The following AP3B1 variants were observed in gnomAD, a reference collection of about 807,000 sequenced individuals.
AP3B1 encodes AP-3 complex subunit beta-1.
AP3B1 carries 61 observed loss-of-function variants against 132.5 expected under a neutral mutation model. The observed-to-expected ratio is 0.46, with a 90% CI of 0.37 to 0.57. The LOEUF (loss-of-function observed/expected upper bound fraction) is 0.57, where lower values mean the gene tolerates loss of function less well. Ranked by LOEUF, AP3B1 falls within the 20% of genes least tolerant of loss-of-function variation. The pLI, the probability that AP3B1 is intolerant of heterozygous loss-of-function variation, is 0.00. For missense variants in AP3B1, 1,120 were observed against 1,289.4 expected, an observed-to-expected ratio of 0.87 and a Z score of 2.01; for synonymous variants, 388 against 438.3, an observed-to-expected ratio of 0.89 and a Z score of 1.43.
intron 21 of AP3B1, among the ~76,000 whole-genome samples, chr5:78,091,410 G>A (rs1750509754): frequency 6.6e-6 from 1 of 152,110 alleles, no homozygotes; most frequent in South Asian, 2.1e-4. Context: ...GATGGGGAGG[G>A]AGTGGAGCTC....
chr5:78,020,264 G>A (rs1448514557), intron 25 of AP3B1, among the ~76,000 whole-genome samples: 1 of 152,076 alleles, frequency 6.6e-6, no homozygotes, highest in East Asian at 1.9e-4. Context: ...GGATAAGGTA[G>A]TTTAATGTGT....
chr5:78,215,945 T>C (rs563640103), intron 7 of AP3B1, 110 bp downstream of exon 7: 2 of 993,532 alleles, frequency 2.0e-6, no homozygotes, highest in East Asian at 2.4e-5. Flanking sequence ...TGAGTCTTCC[T>C]TAAATATGCA....
intron 26 of AP3B1, among the ~76,000 whole-genome samples, chr5:78,003,904 G>A (rs1455583460): frequency 6.6e-6 from 1 of 152,202 alleles, no homozygotes; most frequent in Admixed American, 6.5e-5. Context: ...GCACAGTTGA[G>A]CCTCAGGGTC....
intron 7 of AP3B1, among the ~76,000 whole-genome samples, chr5:78,187,056 A>G (rs910754227): frequency 8.5e-5 from 13 of 152,324 alleles, no homozygotes; most frequent in Admixed American, 7.8e-4. Context: ...TAGAAATCAT[A>G]ACATTATCAC....
intron 14 of AP3B1, among the ~76,000 whole-genome samples, chr5:78,151,693 T>A (rs576929601): frequency 6.6e-6 from 1 of 152,210 alleles, no homozygotes; most frequent in African/African-American, 2.4e-5. Context: ...CTGGTAACCC[T>A]GGGATAAATC....
intron 2 of AP3B1, among the ~76,000 whole-genome samples, chr5:78,251,007 TA>T (rs1448819322): frequency 6.6e-6 from 1 of 151,858 alleles, no homozygotes; most frequent in Non-Finnish European, 1.5e-5. Context: ...AATACACACA[TA>T]ATAGGAAGGC....
intron 14 of AP3B1, among the ~76,000 whole-genome samples, chr5:78,144,649 A>G (rs1753306921): frequency 6.6e-6 from 1 of 152,084 alleles, no homozygotes; most frequent in African/African-American, 2.4e-5. Context: ...AGGGTGGGTA[A>G]CTTGTGAAAT....
intron 17 of AP3B1, among the ~76,000 whole-genome samples, chr5:78,121,147 A>G (rs1048481882): frequency 1.6e-4 from 24 of 152,322 alleles, no homozygotes; most frequent in African/African-American, 5.5e-4. Context: ...GAAACCAACG[A>G]GAACAAAGAC....
intron 22 of AP3B1, 39 bp from the exon 23 acceptor site, chr5:78,039,313 G>A: frequency 6.8e-7 from 1 of 1,460,740 alleles, no homozygotes. Flanking sequence ...ATGAGTTAGT[G>A]AATATAATTA....
chr5:78,265,505 T>C (rs1748285402), intron 2 of AP3B1, among the ~76,000 whole-genome samples: 2 of 152,182 alleles, frequency 1.3e-5, no homozygotes, highest in African/African-American at 2.4e-5. Flanking sequence ...ACAGAACTTG[T>C]TCTCTTATCA....
chr5:78,171,645 C>T (rs765042762), intron 11 of AP3B1, among the ~76,000 whole-genome samples: 11 of 152,144 alleles, frequency 7.2e-5, no homozygotes, highest in Non-Finnish European at 1.5e-4. Flanking sequence ...TGGGCTGAGA[C>T]GATGGGGTTT....
At chr5:78,005,553 G>A (rs1006162590) in intron 26 of AP3B1, among the ~76,000 whole-genome samples, 1 of 152,184 alleles carries the variant, frequency 6.6e-6, no homozygotes, top group Non-Finnish European at 1.5e-5. Flanking sequence ...ATCTGCTTAC[G>A]CTGCAATGGA....
At chr5:78,017,961 A>G (rs1164678706) in intron 25 of AP3B1, among the ~76,000 whole-genome samples, 1 of 152,034 alleles carries the variant, frequency 6.6e-6, no homozygotes, top group Non-Finnish European at 1.5e-5. Context: ...AAAAATTTCT[A>G]AGTTTTAGAT....
At chr5:78,123,919 T>A (rs181976355) in intron 17 of AP3B1, among the ~76,000 whole-genome samples, 1 of 152,202 alleles carries the variant, frequency 6.6e-6, no homozygotes, top group Non-Finnish European at 1.5e-5. Flanking sequence ...TGCGGCACTA[T>A]TCACAATAGC....
intron 22 of AP3B1, among the ~76,000 whole-genome samples, chr5:78,058,277 A>G (rs375753854): frequency 1.3e-5 from 2 of 152,120 alleles, no homozygotes; most frequent in East Asian, 1.9e-4. Context: ...CGAGGTGGGC[A>G]GATCGCGAGG....
At chr5:78,206,905 T>C (rs1007436926) in intron 7 of AP3B1, among the ~76,000 whole-genome samples, 2 of 152,136 alleles carry the variant, frequency 1.3e-5, no homozygotes, top group African/African-American at 2.4e-5. Flanking sequence ...GAGGATCACA[T>C]GAGCCCCAGA....
chr5:78,071,761 TC>T (rs1749552888), intron 22 of AP3B1, among the ~76,000 whole-genome samples: 1 of 152,166 alleles, frequency 6.6e-6, no homozygotes, highest in African/African-American at 2.4e-5. Context: ...AAACCCAGAC[TC>T]CAATATTATT....
intron 7 of AP3B1, among the ~76,000 whole-genome samples, chr5:78,184,686 C>CAAAAAAAAAA (rs772722596): frequency 8.5e-4 from 94 of 110,444 alleles, no homozygotes; most frequent in African/African-American, 3.2e-3. Context: ...GACACTGTCT[C>CAAAAAAAAAA]AAAAAAAAAA....
intron 22 of AP3B1, among the ~76,000 whole-genome samples, chr5:78,075,921 C>G (rs191774514): frequency 6.6e-6 from 1 of 152,034 alleles, no homozygotes. Context: ...AAGCAAACGG[C>G]GAAGAGTACG....
Sources: gnomAD v4.1 joint callset for allele counts (sites outside exome capture counted in the v4.1 genomes callset) on GRCh38, gnomAD v4.1.1 for gene constraint, MANE v1.5 for transcripts, NCBI Gene and HGNC (gene_info 2026-07-23, HGNC 2026-07-21) for gene names.